The following GRK4 variants were observed in gnomAD, a reference collection of about 807,000 sequenced individuals.
GRK4 encodes the protein G protein-coupled receptor kinase 4.
Under a neutral mutation model 77.9 loss-of-function variants are expected in GRK4, and 73 were observed. The ratio of observed to expected loss-of-function variants is 0.94; its 90% CI spans 0.78 to 1.14. GRK4 has a LOEUF of 1.14. Among genes scored for constraint, GRK4 ranks in the 50% most tolerant of loss-of-function variants. The pLI is 0.00. For missense variants in GRK4, 729 were observed against 700.2 expected, an observed-to-expected ratio of 1.04 and a Z score of -0.46; for synonymous variants, 257 against 254.4, an observed-to-expected ratio of 1.01 and a Z score of -0.10.
At chr4:3,031,366 G>T (rs1264816412) in intron 12 of GRK4, among the ~76,000 whole-genome samples, 1 of 152,216 alleles carries the variant, frequency 6.6e-6, no homozygotes, top group Non-Finnish European at 1.5e-5. Flanking sequence ...GAAAGCAGGG[G>T]TTTCCTCAAC....
chr4:3,024,446 G>A (rs2471327), intron 10 of GRK4, among the ~76,000 whole-genome samples: 69,402 of 151,912 alleles, frequency 0.46, 16,965 homozygotes, highest in African/African-American at 0.61. Flanking sequence ...GGATATTTTA[G>A]TTGTTACGGT....
intron 1 of GRK4, among the ~76,000 whole-genome samples, chr4:2,968,413 C>T (rs1309573720): frequency 6.6e-6 from 1 of 152,114 alleles, no homozygotes; most frequent in Non-Finnish European, 1.5e-5. Flanking sequence ...CTGAGGCTTC[C>T]TCCCTAGAAC....
chr4:2,999,857 G>T (rs1034402463), intron 4 of GRK4, among the ~76,000 whole-genome samples: 4 of 152,008 alleles, frequency 2.6e-5, no homozygotes, highest in African/African-American at 9.7e-5. Flanking sequence ...AACAGAATGG[G>T]GAAAAGGATT....
chr4:3,016,497 A>C (rs1416612051), intron 8 of GRK4, among the ~76,000 whole-genome samples: 1 of 135,020 alleles, frequency 7.4e-6, no homozygotes, highest in Non-Finnish European at 1.6e-5. Flanking sequence ...CAGCCTGTGT[A>C]CTCCAGCCTG....
At position 2,990,990 on chromosome 4, in the gene GRK4, A is replaced by G. The variant is rs952228568; in HGVS notation, c.262-1225A>G. Among the ~76,000 whole-genome samples, 4 of 152,154 alleles carry G rather than the reference A, an allele frequency of 2.6e-5. No homozygotes were observed. The South Asian group carries it at 8.3e-4, about 32-fold the overall frequency. ...TCATTTCCCCCTCATGGCACATGGCATGGTTGTTTGCCCTATTTCTTGCTC... is the reference window on the plus strand; with the variant it reads ...TCATTTCCCCCTCATGGCACATGGCGTGGTTGTTTGCCCTATTTCTTGCTC... On this transcript the variant is annotated intron_variant, in intron 3 of 15. Transcript: ENST00000398052.
chr4:3,035,730 A>G (rs537685181), intron 13 of GRK4, among the ~76,000 whole-genome samples: 200 of 151,438 alleles, frequency 1.3e-3, no homozygotes, highest in African/African-American at 4.5e-3. Context: ...GCTGCAACAC[A>G]GTTTTTTGTT....
chr4:3,026,058 G>A (rs1354573060), intron 10 of GRK4, among the ~76,000 whole-genome samples: 2 of 152,238 alleles, frequency 1.3e-5, no homozygotes, highest in Non-Finnish European at 2.9e-5. Flanking sequence ...ATCTCCACCG[G>A]TGCTGTTTCC....
At chr4:2,996,062 A>AT (rs1380207452) in intron 4 of GRK4, among the ~76,000 whole-genome samples, 1 of 151,892 alleles carries the variant, frequency 6.6e-6, no homozygotes, top group Non-Finnish European at 1.5e-5. Flanking sequence ...CATTCCTCAG[A>AT]TAAAAACCTT....
intron 1 of GRK4, among the ~76,000 whole-genome samples, chr4:2,981,835 G>T (rs1722960097): frequency 6.6e-6 from 1 of 152,218 alleles, no homozygotes; most frequent in Non-Finnish European, 1.5e-5. Flanking sequence ...TGGTGCCCTG[G>T]CTGTTTGTGT....
At chr4:3,035,752 T>G (rs1740454983) in intron 13 of GRK4, among the ~76,000 whole-genome samples, 1 of 152,064 alleles carries the variant, frequency 6.6e-6, no homozygotes, top group Non-Finnish European at 1.5e-5. Context: ...TTTTTTGTTT[T>G]TTATTACAAC....
chr4:3,027,861 G>A lies in GRK4; in HGVS notation c.971-51G>A, dbSNP rs2857844. 0.6 allele frequency: 862,100 copies of A among 1,438,014 alleles called. 266,797 individuals are homozygous for A. The highest frequency in any genetic ancestry group is 0.75 in the South Asian group (64,920 of 86,286). The allele number at this position is 1,438,014 out of a possible 1,614,324, so 89.1% of individuals were successfully genotyped here. A position where few individuals can be genotyped will look rare whatever the true frequency, so the allele number is the denominator to read the frequency against. The stretch of plus-strand genomic sequence containing the variant: ...TTTTTCCCATTTTAATTGTTGTTAC[G>A]GTGTCATTACTTCCCCCGTGACCTG... On this transcript the variant is annotated intron_variant, in intron 10 of 15. Coordinates refer to ENST00000398052, the MANE Select transcript of GRK4 (RefSeq NM_182982.3).
At chr4:2,995,419 G>A (rs2960297) in intron 4 of GRK4, among the ~76,000 whole-genome samples, 7 of 150,836 alleles carry the variant, frequency 4.6e-5, no homozygotes, top group East Asian at 1.9e-4. Flanking sequence ...CTGTAATCCC[G>A]GCACTTTGGG....
Position 2,963,919 on chromosome 4 carries a change from G to A in GRK4, c.-152G>A. The stretch of plus-strand genomic sequence containing the variant: ...CGGCGGCGCCCTTGGTGGCAGTGGT[G>A]GCGGCGGAGCAGCCTCCCGGGATCG... On this transcript the variant is annotated 5_prime_UTR_variant, in exon 1 of 16. Transcript: ENST00000398052. 1.4e-6 allele frequency: 1 copy of A among 734,328 alleles called. No individual in the cohort carries two copies. Among genetic ancestry groups the A allele is most frequent in the Non-Finnish European group, 2.3e-6 (1 of 428,436 alleles). The allele number at this position is 734,328 out of a possible 1,614,324, so 45.5% of individuals were successfully genotyped here.
chr4:2,978,566 G>A (rs543401535), intron 1 of GRK4, among the ~76,000 whole-genome samples: 7 of 152,298 alleles, frequency 4.6e-5, no homozygotes, highest in East Asian at 1.9e-4. Context: ...GCTCAAAATC[G>A]TAGTTGGCAT....
chr4:3,017,388 C>G (rs1734852831), intron 8 of GRK4, among the ~76,000 whole-genome samples: 1 of 152,204 alleles, frequency 6.6e-6, no homozygotes, highest in African/African-American at 2.4e-5. Flanking sequence ...CCCAGGCCTC[C>G]TCCACCACGA....
intron 13 of GRK4, 121 bp from the exon 14 acceptor site, chr4:3,037,253 T>A: frequency 1.0e-6 from 1 of 961,202 alleles, no homozygotes; most frequent in Non-Finnish European, 1.5e-6. Context: ...GGCAAAAGAA[T>A]GGAGACAGGG....
At chr4:3,011,338 C>G (rs919758172) in intron 7 of GRK4, among the ~76,000 whole-genome samples, 1 of 152,106 alleles carries the variant, frequency 6.6e-6, no homozygotes, top group Non-Finnish European at 1.5e-5. Context: ...CCTAGCACTT[C>G]GGGAGGCCAA....
chr4:3,016,244 T>G (rs1734458140), intron 8 of GRK4, among the ~76,000 whole-genome samples: 2 of 150,206 alleles, frequency 1.3e-5, no homozygotes, highest in Admixed American at 6.6e-5. Context: ...GGCCAGGCAC[T>G]GTGGCTCACG....
chr4:3,020,135 CTG>C (rs1372634601), intron 9 of GRK4, among the ~76,000 whole-genome samples: 2 of 152,150 alleles, frequency 1.3e-5, no homozygotes, highest in Non-Finnish European at 2.9e-5. Flanking sequence ...TCCCAAGTAG[CTG>C]GGACTACAGG....
Sources: gnomAD v4.1 joint callset for allele counts (sites outside exome capture counted in the v4.1 genomes callset) on GRCh38, gnomAD v4.1.1 for gene constraint, MANE v1.5 for transcripts, NCBI Gene and HGNC (gene_info 2026-07-23, HGNC 2026-07-21) for gene names.